Variants in SPECC1 observed in about 807,000 individuals in gnomAD.
The protein encoded by SPECC1 is cytospin-B.
In SPECC1, 62 loss-of-function variants were observed where a neutral mutation model predicts 104.1. The ratio of observed to expected loss-of-function variants is 0.60; its 90% CI spans 0.49 to 0.74. SPECC1 has a LOEUF of 0.74. SPECC1 is among the 30% of genes least tolerant of loss of function. The pLI, the probability that SPECC1 is intolerant of heterozygous loss-of-function variation, is 0.00. For missense variants in SPECC1, 1,306 were observed against 1,310.5 expected (o/e 1.00, Z 0.05); for synonymous variants, 513 against 501.6 (o/e 1.02, Z -0.30).
intron 4 of SPECC1, among the ~76,000 whole-genome samples, chr17:20,218,245 T>C (rs1938453972): frequency 6.6e-6 from 1 of 152,180 alleles, no homozygotes. Flanking sequence ...TTCCAGGCAC[T>C]ATGATAAACT....
At chr17:20,055,613 C>T (rs1378620371) in intron 1 of SPECC1, among the ~76,000 whole-genome samples, 2 of 152,290 alleles carry the variant, frequency 1.3e-5, no homozygotes, top group South Asian at 2.1e-4. Context: ...TTCACATTAG[C>T]AGAGTCAGAA....
intron 4 of SPECC1, among the ~76,000 whole-genome samples, chr17:20,215,034 C>CTG (rs1189056044): frequency 6.6e-6 from 1 of 152,264 alleles, no homozygotes; most frequent in Non-Finnish European, 1.5e-5. Flanking sequence ...GATACCCAGG[C>CTG]CTGCAAGCCC....
intron 4 of SPECC1, among the ~76,000 whole-genome samples, chr17:20,214,874 G>A (rs2037387550): frequency 6.6e-6 from 1 of 152,224 alleles, no homozygotes; most frequent in African/African-American, 2.4e-5. Context: ...CTGATTTGAT[G>A]TCAGGGACGG....
At position 20,205,928 on chromosome 17, in the gene SPECC1, T is replaced by C. The variant is rs2036751823; in HGVS notation, c.1863+16T>C. On this transcript the variant is annotated intron_variant, in intron 4 of 14. Transcript: ENST00000395527. The stretch of plus-strand genomic sequence containing the variant: ...GCTGGCCAAGGTGAGAAGAGACAGC[T>C]CTTTACTGGTATTTGCTCATCCTTG... 2.5e-6 allele frequency: 4 copies of C among 1,592,406 alleles called. No individual in the cohort carries two copies. The highest frequency in any genetic ancestry group is 3.4e-6 in the Non-Finnish European group (4 of 1,173,806).
Position 20,314,294 on chromosome 17 carries a change from T to A in SPECC1, c.*229T>A, listed in dbSNP as rs1328671980. The A allele has an allele frequency of 3.6e-6, 2 of 558,946 alleles. No individual in the cohort carries two copies. The highest frequency in any genetic ancestry group is 5.9e-5 in the East Asian group (2 of 34,168). The allele number at this position is 558,946 out of a possible 1,614,324, so 34.6% of individuals were successfully genotyped here. On this transcript the variant is annotated 3_prime_UTR_variant, in exon 15 of 15. Transcript: ENST00000395527. Reference sequence around the variant, plus strand: ...TGTAAATTGGGGACTCTTTGATCTCTTGTGGGATGCTTCTAAAGAGGGCAG... The same window carrying A: ...TGTAAATTGGGGACTCTTTGATCTCATGTGGGATGCTTCTAAAGAGGGCAG...
chr17:20,210,549 C>T (rs1008990552), intron 4 of SPECC1, among the ~76,000 whole-genome samples: 1 of 152,218 alleles, frequency 6.6e-6, no homozygotes, highest in Admixed American at 6.5e-5. Context: ...GTGAGAACTG[C>T]GTCACACAGT....
intron 1 of SPECC1, among the ~76,000 whole-genome samples, chr17:20,062,094 A>G (rs1257523355): frequency 2.0e-5 from 3 of 151,926 alleles, no homozygotes; most frequent in Non-Finnish European, 4.4e-5. Context: ...TGCTAAAAAA[A>G]TACAAAAAAT....
At chr17:20,069,899 G>A (rs1446658160) in intron 1 of SPECC1, among the ~76,000 whole-genome samples, 2 of 151,940 alleles carry the variant, frequency 1.3e-5, no homozygotes, top group South Asian at 4.1e-4. Context: ...ATTGGTTTCT[G>A]AGTATATTTG....
chr17:20,277,099 AAGATGGACAG>A (rs1176338104), intron 12 of SPECC1, among the ~76,000 whole-genome samples: 5 of 152,218 alleles, frequency 3.3e-5, no homozygotes, highest in Admixed American at 6.5e-5. Flanking sequence ...CTGAGAAAGC[AAGATGGACAG>A]AGAGGGACAG....
chr17:20,051,381 G>A (rs774334219), intron 1 of SPECC1, among the ~76,000 whole-genome samples: 1 of 151,912 alleles, frequency 6.6e-6, no homozygotes, highest in Non-Finnish European at 1.5e-5. Flanking sequence ...CACCATGTTG[G>A]CCAGGCTGGT....
At chr17:20,062,210 G>A (rs992942700) in intron 1 of SPECC1, among the ~76,000 whole-genome samples, 4 of 147,600 alleles carry the variant, frequency 2.7e-5, no homozygotes, top group Admixed American at 6.8e-5. Flanking sequence ...CCGAGATCAC[G>A]CCACTGCACT....
intron 1 of SPECC1, among the ~76,000 whole-genome samples, chr17:20,069,535 A>G (rs193136394): frequency 4.4e-4 from 67 of 152,246 alleles, no homozygotes; most frequent in African/African-American, 1.3e-3. Context: ...GTAGGAGTCT[A>G]ACTTTGTTCT....
intron 4 of SPECC1, among the ~76,000 whole-genome samples, chr17:20,227,008 CCA>C (rs2038257161): frequency 9.0e-6 from 1 of 110,738 alleles, no homozygotes; most frequent in Non-Finnish European, 2.0e-5. Context: ...CCAGTGCCTC[CCA>C]GGGAAGCACT....
At position 20,094,186 on chromosome 17, in the gene SPECC1, G is replaced by T. The variant is rs552951055; in HGVS notation, c.-21-2445G>T. ...GAGTGTGGGCAGCAGGAGGGGGATG[G>T]ATGAGGAGCATTTTCTGGGTGCAGT... On this transcript the variant is annotated intron_variant, in intron 1 of 14. Coordinates refer to ENST00000395527, the MANE Select transcript of SPECC1 (RefSeq NM_001243439.2). Among the ~76,000 whole-genome samples, 5 of 152,270 alleles carry T rather than the reference G, an allele frequency of 3.3e-5. No individual in the cohort carries two copies. The East Asian group carries it at 9.7e-4, about 29-fold the overall frequency.
chr17:20,275,445 A>T (rs926637039), intron 12 of SPECC1, among the ~76,000 whole-genome samples: 9 of 152,190 alleles, frequency 5.9e-5, no homozygotes, highest in Non-Finnish European at 1.5e-5. Flanking sequence ...TATTTATTTT[A>T]CCACCTTCTG....
intron 3 of SPECC1, among the ~76,000 whole-genome samples, chr17:20,173,579 G>A (rs1242924831): frequency 6.6e-6 from 1 of 152,200 alleles, no homozygotes; most frequent in African/African-American, 2.4e-5. Context: ...AAGGAATGGC[G>A]AAGTAATGAT....
At position 20,096,868 on chromosome 17, in the gene SPECC1, A is replaced by G. The variant is rs541477689; in HGVS notation, c.147+70A>G. The G allele has an allele frequency of 1.9e-6, 3 of 1,546,516 alleles. No individual in the cohort carries two copies. The South Asian group carries it at 3.7e-5, about 19-fold the overall frequency. On this transcript the variant is annotated intron_variant, in intron 2 of 14. Coordinates refer to ENST00000395527, the MANE Select transcript of SPECC1 (RefSeq NM_001243439.2). ...CTGGGTTGGGAGGATTGAAGAGGGC[A>G]GTAAGCAAACCAGTGGCCTCTCGGG...
intron 13 of SPECC1, among the ~76,000 whole-genome samples, chr17:20,302,613 G>A (rs762481720): frequency 1.3e-5 from 2 of 151,438 alleles, no homozygotes; most frequent in Non-Finnish European, 2.9e-5. Context: ...CTATTTCAGG[G>A]TATTTTGAGA....
At chr17:20,270,310 GT>G (rs1257397235) in intron 12 of SPECC1, among the ~76,000 whole-genome samples, 1 of 151,602 alleles carries the variant, frequency 6.6e-6, no homozygotes, top group Non-Finnish European at 1.5e-5. Flanking sequence ...AAAAAACAGT[GT>G]TATGAACAGA....
Sources: allele counts gnomAD v4.1 joint callset (sites outside exome capture counted in the v4.1 genomes callset), GRCh38; gene constraint gnomAD v4.1.1; transcripts MANE v1.5; gene names NCBI Gene and HGNC (gene_info 2026-07-23, HGNC 2026-07-21).